EPC2: variants seen among roughly 807,000 people sequenced by gnomAD.
The protein encoded by EPC2 is enhancer of polycomb homolog 2.
Under a neutral mutation model 92.1 loss-of-function variants are expected in EPC2, and 14 were observed. That is an observed-to-expected ratio of 0.15 (90% CI 0.10 to 0.24). The LOEUF is 0.24. Ranked by LOEUF, EPC2 falls within the 10% of genes least tolerant of loss-of-function variation. The pLI, the probability that EPC2 is intolerant of heterozygous loss-of-function variation, is 1.00. For missense variants in EPC2, 755 were observed against 971.5 expected (o/e 0.78, Z 2.96); for synonymous variants, 340 against 334.7 (o/e 1.02, Z -0.17).
rs547207750 is a variant in EPC2 at position 148,664,618 on chromosome 2, A to G, written c.153+19448A>G. On this transcript the variant is annotated intron_variant, in intron 1 of 13. Coordinates refer to ENST00000258484, the MANE Select transcript of EPC2 (RefSeq NM_015630.4). Reference sequence around the variant, plus strand: ...CCTGTTTTCATAGTCAAGATAATCAACAGATCTCATCCCCCAATCCCTCCA... The same window carrying G: ...CCTGTTTTCATAGTCAAGATAATCAGCAGATCTCATCCCCCAATCCCTCCA... Among the ~76,000 whole-genome samples, 3 of 152,334 alleles carry G rather than the reference A, an allele frequency of 2.0e-5. No homozygotes were observed. The South Asian group carries it at 6.2e-4, about 32-fold the overall frequency.
intron 7 of EPC2, 66 bp downstream of exon 7, chr2:148,765,212 C>G: frequency 8.7e-7 from 1 of 1,154,816 alleles, no homozygotes; most frequent in Non-Finnish European, 1.2e-6. Flanking sequence ...ATTTTTAAAA[C>G]AATTGCTATC....
At chr2:148,761,081 C>T (rs1574627913) in intron 4 of EPC2, among the ~76,000 whole-genome samples, 1 of 152,302 alleles carries the variant, frequency 6.6e-6, no homozygotes, top group East Asian at 1.9e-4. Flanking sequence ...CTAATTACAA[C>T]TGAGCCTTTT....
intron 1 of EPC2, among the ~76,000 whole-genome samples, chr2:148,678,366 A>G (rs1487061653): frequency 2.0e-5 from 3 of 152,218 alleles, no homozygotes; most frequent in African/African-American, 7.2e-5. Flanking sequence ...AGGGCTGCAG[A>G]TGGAGCTGCC....
chr2:148,727,919 TAAGTGACCAC>T (rs1277650764), intron 2 of EPC2, among the ~76,000 whole-genome samples: 2 of 152,236 alleles, frequency 1.3e-5, no homozygotes, highest in Admixed American at 1.3e-4. Flanking sequence ...CCCTCCTTTA[TAAGTGACCAC>T]AAGTGACCAT....
At position 148,786,301 on chromosome 2, in the gene EPC2, A is replaced by G. The variant is rs1156974369; in HGVS notation, c.2352-4A>G. ...TTATTTTATCCTTTGCCTTATTACC[A>G]TAGAGAGAACCACGAACCAGAAAGA... On this transcript the variant is annotated splice_region_variant and splice_polypyrimidine_tract_variant and intron_variant, in intron 13 of 13. Transcript: ENST00000258484. The G allele has an allele frequency of 7.5e-6, 12 of 1,610,036 alleles. No homozygotes were observed. Among genetic ancestry groups the G allele is most frequent in the Admixed American group, 1.7e-5 (1 of 59,640 alleles).
intron 1 of EPC2, 60 bp downstream of exon 1, chr2:148,645,230 G>T (rs1683769707): frequency 1.4e-6 from 2 of 1,418,828 alleles, no homozygotes; most frequent in Non-Finnish European, 1.9e-6. Context: ...TTTGTCAGTC[G>T]GGCCTCGCCA....
At chr2:148,649,111 G>T (rs899368455) in intron 1 of EPC2, among the ~76,000 whole-genome samples, 9 of 152,130 alleles carry the variant, frequency 5.9e-5, no homozygotes, top group Non-Finnish European at 7.3e-5. Context: ...ACTAATACTT[G>T]CCATTTACTG....
chr2:148,761,730 G>A lies in EPC2; in HGVS notation c.667-52G>A, dbSNP rs1683303604. 8.6e-6 allele frequency: 11 copies of A among 1,272,104 alleles called. No homozygotes were observed. In the East Asian group the frequency reaches 1.7e-4, roughly 20 times the overall value. 78.8% of individuals were successfully genotyped at this position (1,272,104 alleles called of 1,614,324 possible). ...GATAAGAGTTTATTGAATAAAGCCG[G>A]AAATGTAGATAACTGTGTTGTTTAT... On this transcript the variant is annotated intron_variant, in intron 4 of 13. Transcript: ENST00000258484.
chr2:148,748,294 G>T (rs753482698), intron 3 of EPC2, among the ~76,000 whole-genome samples: 2 of 151,990 alleles, frequency 1.3e-5, no homozygotes, highest in African/African-American at 4.8e-5. Context: ...TGTACAGCCC[G>T]CAGCACCATG....
At chr2:148,711,890 A>G (rs1302612234) in intron 2 of EPC2, among the ~76,000 whole-genome samples, 3 of 152,146 alleles carry the variant, frequency 2.0e-5, no homozygotes, top group Admixed American at 6.5e-5. Context: ...TCAAGTGATT[A>G]TAGGTACTCT....
At chr2:148,712,429 A>C (rs1179305274) in intron 2 of EPC2, among the ~76,000 whole-genome samples, 1 of 144,356 alleles carries the variant, frequency 6.9e-6, no homozygotes, top group Non-Finnish European at 1.6e-5. Flanking sequence ...ACACACACAC[A>C]GACAATGTGC....
At chr2:148,720,663 A>G (rs1191400978) in intron 2 of EPC2, among the ~76,000 whole-genome samples, 1 of 152,182 alleles carries the variant, frequency 6.6e-6, no homozygotes, top group Non-Finnish European at 1.5e-5. Flanking sequence ...CCCGGGTTGC[A>G]AAGATCCATG....
chr2:148,658,623 A>ATATG (rs1355005218), intron 1 of EPC2, among the ~76,000 whole-genome samples: 8 of 150,912 alleles, frequency 5.3e-5, no homozygotes, highest in African/African-American at 1.9e-4. Context: ...ATATATATAT[A>ATATG]TATATATATG....
At position 148,645,050 on chromosome 2, in the gene EPC2, G is replaced by C. The variant is rs1282016310; in HGVS notation, c.33G>C (p.Leu11=). 6.4e-7 allele frequency: 1 copy of C among 1,567,124 alleles called. No individual in the cohort carries two copies. The highest frequency in any genetic ancestry group is 1.9e-5 in the Admixed American group (1 of 53,042). The part of the protein sequence containing the change: MSKLSFRARA[L]DAAKPLPIYR... ...AACTCTCCTTCCGAGCGCGGGCGCTGGACGCCGCCAAGCCGCTGCCTATCT... is the reference window on the plus strand; with the variant it reads ...AACTCTCCTTCCGAGCGCGGGCGCTCGACGCCGCCAAGCCGCTGCCTATCT... The change falls in exon 1 of 14, where the codon CTG becomes CTC. Residue 11 remains leucine (L), a synonymous_variant. Transcript: ENST00000258484.
intron 4 of EPC2, among the ~76,000 whole-genome samples, chr2:148,756,837 A>G (rs1056839346): frequency 2.0e-5 from 3 of 152,204 alleles, no homozygotes; most frequent in Non-Finnish European, 2.9e-5. Context: ...TCACCTGTGA[A>G]TCATCCTTGG....
intron 4 of EPC2, among the ~76,000 whole-genome samples, chr2:148,755,948 A>G (rs1305836330): frequency 6.6e-6 from 1 of 152,234 alleles, no homozygotes; most frequent in Non-Finnish European, 1.5e-5. Context: ...TTTCAGATAT[A>G]TTGCAAAACA....
At chr2:148,647,925 C>G (rs1381141590) in intron 1 of EPC2, among the ~76,000 whole-genome samples, 2 of 151,802 alleles carry the variant, frequency 1.3e-5, no homozygotes, top group Non-Finnish European at 2.9e-5. Context: ...CCACCGTGCC[C>G]TGCCGCGCCT....
At chr2:148,661,449 C>T (rs1427155401) in intron 1 of EPC2, among the ~76,000 whole-genome samples, 1 of 152,098 alleles carries the variant, frequency 6.6e-6, no homozygotes, top group Non-Finnish European at 1.5e-5. Context: ...GATACCATAT[C>T]ACCACCTAAT....
intron 2 of EPC2, among the ~76,000 whole-genome samples, chr2:148,695,342 G>A (rs1192333294): frequency 6.6e-6 from 1 of 152,234 alleles, no homozygotes; most frequent in Non-Finnish European, 1.5e-5. Flanking sequence ...TACCGTTTGT[G>A]TCTGCTTCCA....
Sources: gnomAD v4.1 joint callset for allele counts (sites outside exome capture counted in the v4.1 genomes callset) on GRCh38, gnomAD v4.1.1 for gene constraint, MANE v1.5 for transcripts, NCBI Gene and HGNC (gene_info 2026-07-23, HGNC 2026-07-21) for gene names.